The following UBE4B variants were observed in gnomAD, a reference collection of about 807,000 sequenced individuals.
UBE4B encodes ubiquitination factor E4B, also known as ubiquitin conjugation factor E4 B.
UBE4B carries 27 observed loss-of-function variants against 148.1 expected under a neutral mutation model. The observed-to-expected ratio is 0.18, with a 90% CI of 0.13 to 0.25. UBE4B has a LOEUF of 0.25. Ranked by LOEUF, UBE4B falls within the 10% of genes least tolerant of loss-of-function variation. UBE4B has a pLI of 1.00. For missense variants in UBE4B, 1,170 were observed against 1,662.4 expected (o/e 0.70, Z 5.15); for synonymous variants, 596 against 619.3 (o/e 0.96, Z 0.56).
At position 10,175,409 on chromosome 1, in the gene UBE4B, T is replaced by C. The variant is rs572242877; in HGVS notation, c.3526-3235T>C. Among the ~76,000 whole-genome samples, 116 of 151,918 alleles carry C rather than the reference T, an allele frequency of 7.6e-4. 2 individuals are homozygous for C. In the East Asian group the frequency reaches 0.021, roughly 27 times the overall value. On this transcript the variant is annotated intron_variant, in intron 25 of 27. Coordinates refer to ENST00000343090, the MANE Select transcript of UBE4B (RefSeq NM_001105562.3). ...GCTCACGCCTGTAATCCCAGCACTT[T>C]GGGAGGCCAAGGCGGGCGGATCACA... is the stretch of plus-strand genomic sequence containing the variant.
intron 7 of UBE4B, among the ~76,000 whole-genome samples, chr1:10,110,551 T>C (rs1466509943): frequency 1.3e-5 from 2 of 152,006 alleles, no homozygotes; most frequent in Non-Finnish European, 2.9e-5. Context: ...AGCTGGAAGT[T>C]GATCTGAAAA....
At position 10,151,522 on chromosome 1, in the gene UBE4B, A is replaced by T; in HGVS notation, c.2887A>T (p.Thr963Ser). Residue 963 changes from threonine (T) to serine (S), a missense_variant, in exon 21 of 28, where the codon ACC (threonine) becomes TCC (serine). Coordinates refer to ENST00000343090, the MANE Select transcript of UBE4B (RefSeq NM_001105562.3). ...AATGATTGAGAACCATCCTCTCTCC[A>T]CCAAGTTGTTGGTACCTTCCCTGAT... The part of the protein sequence containing the change: ...FEMIENHPLS[T>S]KLLVPSLMKF... 6.2e-7 allele frequency: 1 copy of T among 1,614,154 alleles called. No individual in the cohort carries two copies. Among genetic ancestry groups the T allele is most frequent in the Non-Finnish European group, 8.5e-7 (1 of 1,180,026 alleles).
At chr1:10,038,280 C>CAA (rs535925205) in intron 1 of UBE4B, among the ~76,000 whole-genome samples, 10 of 95,538 alleles carry the variant, frequency 1.0e-4, no homozygotes, top group South Asian at 3.4e-4. Context: ...AACTCCATCT[C>CAA]AAAAAAAAAA....
intron 1 of UBE4B, among the ~76,000 whole-genome samples, chr1:10,058,378 C>T (rs1422308689): frequency 6.6e-6 from 1 of 152,180 alleles, no homozygotes; most frequent in Admixed American, 6.5e-5. Flanking sequence ...CATCCTGTAA[C>T]ATTTCTCTAT....
At chr1:10,135,483 A>G (rs1418774981) in intron 16 of UBE4B, among the ~76,000 whole-genome samples, 3 of 152,172 alleles carry the variant, frequency 2.0e-5, no homozygotes, top group African/African-American at 7.2e-5. Context: ...ACACGCCTGT[A>G]ATCCCAGCAC....
chr1:10,173,892 CTTTG>C (rs1205613364), intron 25 of UBE4B, among the ~76,000 whole-genome samples: 1 of 152,202 alleles, frequency 6.6e-6, no homozygotes. Flanking sequence ...TTTGAGCGGC[CTTTG>C]TTTGGTGACC....
In UBE4B at chr1:10,101,161, A is replaced by G. The variant is rs1172387586; in HGVS notation, c.401A>G (p.Asn134Ser). 3 of 1,614,078 alleles carry G rather than the reference A, an allele frequency of 1.9e-6. No individual in the cohort carries two copies. Among genetic ancestry groups the G allele is most frequent in the Middle Eastern group, 1.6e-4 (1 of 6,084 alleles). The change falls in exon 4 of 28, where the codon AAT (asparagine) becomes AGT (serine). Residue 134 changes from asparagine to serine, a missense_variant. This residue lies in a region of UBE4B where 91 missense variants were observed against 120.5 expected (regional missense o/e 0.76). Coordinates refer to ENST00000343090, the MANE Select transcript of UBE4B (RefSeq NM_001105562.3). ...ATTGAAAACATGGAGGTTGATGAAA[A>G]TGATCGAAGAGAAAAGCGGAGCCTC... ...SGIENMEVDE[N>S]DRREKRSLSD... is the part of the protein sequence containing the mutation.
intron 1 of UBE4B, chr1:10,058,699 G>A (rs1433947612): frequency 6.6e-6 from 1 of 152,442 alleles, no homozygotes; most frequent in East Asian, 1.9e-4. Context: ...ACCTGGAGAA[G>A]CACTTCAGCG....
At chr1:10,054,186 C>T (rs1644116271) in intron 1 of UBE4B, among the ~76,000 whole-genome samples, 1 of 151,990 alleles carries the variant, frequency 6.6e-6, no homozygotes, top group Admixed American at 6.6e-5. Context: ...GGACTATCTT[C>T]AAACCAATAC....
intron 1 of UBE4B, among the ~76,000 whole-genome samples, chr1:10,051,064 T>C (rs1211573207): frequency 6.6e-6 from 1 of 152,162 alleles, no homozygotes. Context: ...TGGAGTGCAG[T>C]GGCATTATCA....
intron 2 of UBE4B, among the ~76,000 whole-genome samples, chr1:10,093,197 G>A (rs758011399): frequency 6.6e-6 from 1 of 152,142 alleles, no homozygotes; most frequent in Non-Finnish European, 1.5e-5. Context: ...CTACCATAAT[G>A]ATCATTGAAG....
intron 14 of UBE4B, 60 bp from the exon 15 acceptor site, chr1:10,132,309 A>G (rs1007596165): frequency 3.6e-6 from 5 of 1,394,340 alleles, no homozygotes; most frequent in African/African-American, 1.4e-5. Flanking sequence ...CGTGAAGTCA[A>G]AAAGGAATCA....
At chr1:10,074,796 T>C (rs1490846569) in intron 2 of UBE4B, among the ~76,000 whole-genome samples, 1 of 152,252 alleles carries the variant, frequency 6.6e-6, no homozygotes, top group Non-Finnish European at 1.5e-5. Flanking sequence ...ATTTAACCTC[T>C]TGTCCTTTCC....
chr1:10,150,641 C>T (rs1645955392), intron 20 of UBE4B, among the ~76,000 whole-genome samples: 1 of 151,950 alleles, frequency 6.6e-6, no homozygotes, highest in South Asian at 2.1e-4. Context: ...GTGGGCAAAT[C>T]ACGAGGTCAA....
intron 1 of UBE4B, among the ~76,000 whole-genome samples, chr1:10,067,035 C>A (rs1267097746): frequency 2.0e-5 from 3 of 152,006 alleles, no homozygotes; most frequent in Non-Finnish European, 4.4e-5. Flanking sequence ...AAGTAAGACA[C>A]TTTTGTAGAA....
At chr1:10,087,661 G>A (rs934593720) in intron 2 of UBE4B, among the ~76,000 whole-genome samples, 1 of 152,176 alleles carries the variant, frequency 6.6e-6, no homozygotes, top group Non-Finnish European at 1.5e-5. Context: ...CCATCACATC[G>A]TATCAGGGGT....
At chr1:10,111,029 T>C (rs1439938923) in intron 7 of UBE4B, among the ~76,000 whole-genome samples, 1 of 146,424 alleles carries the variant, frequency 6.8e-6, no homozygotes, top group African/African-American at 2.6e-5. Flanking sequence ...TCTCTCTCTG[T>C]CTTTCTCTGT....
intron 2 of UBE4B, among the ~76,000 whole-genome samples, chr1:10,079,911 G>A (rs1644648508): frequency 6.6e-6 from 1 of 152,108 alleles, no homozygotes; most frequent in South Asian, 2.1e-4. Context: ...GCTTCTGTCT[G>A]TTGGGCACTG....
intron 21 of UBE4B, among the ~76,000 whole-genome samples, chr1:10,157,550 T>C (rs1646093560): frequency 6.6e-6 from 1 of 151,962 alleles, no homozygotes; most frequent in Non-Finnish European, 1.5e-5. Context: ...GAGGCCAAGG[T>C]GGGTGGATCA....
Sources: gnomAD v4.1 joint callset for allele counts (sites outside exome capture counted in the v4.1 genomes callset) on GRCh38, gnomAD v4.1.1 for gene constraint, gnomAD v4.1.1 regional missense constraint, MANE v1.5 for transcripts, NCBI Gene and HGNC (gene_info 2026-07-23, HGNC 2026-07-21) for gene names.